The following SPOP variants were observed in gnomAD, a reference collection of about 807,000 sequenced individuals.
The protein encoded by SPOP is speckle-type POZ protein.
A neutral mutation model predicts 45.6 loss-of-function variants in SPOP; 11 were observed. The ratio of observed to expected loss-of-function variants is 0.24; its 90% CI spans 0.15 to 0.40. The LOEUF (loss-of-function observed/expected upper bound fraction) is 0.40. Among genes scored for constraint, SPOP ranks in the 10% least tolerant of loss-of-function variants. The pLI is 1.00. For missense variants in SPOP, 152 were observed against 465.6 expected (o/e 0.33, Z 6.20); for synonymous variants, 166 against 166.3 (o/e 1.00, Z 0.01).
chr17:49,644,710 TGCA>T (rs1263662616), intron 1 of SPOP, among the ~76,000 whole-genome samples: 1 of 152,164 alleles, frequency 6.6e-6, no homozygotes, highest in African/African-American at 2.4e-5. Context: ...ATAAGACTGC[TGCA>T]GAACTTATAT....
At chr17:49,661,311 A>G (rs2072984846) in intron 1 of SPOP, among the ~76,000 whole-genome samples, 1 of 152,134 alleles carries the variant, frequency 6.6e-6, no homozygotes, top group South Asian at 2.1e-4. Flanking sequence ...CAGTCTTATC[A>G]TCCATTATCC....
rs112476601 is a variant in SPOP at position 49,647,223 on chromosome 17, G to A, written c.-66-24347C>T. Among the ~76,000 whole-genome samples the A allele has an allele frequency of 9.2e-3, 1,350 of 146,954 alleles. 9 individuals carry two copies. Among genetic ancestry groups the A allele is most frequent in the South Asian group, 0.035 (163 of 4,666 alleles). On this transcript the variant is annotated intron_variant, in intron 1 of 9. Coordinates refer to ENST00000504102, the MANE Select transcript of SPOP (RefSeq NM_001007228.2). ...AGCGGGAGGCTGAGGCTGGAGAATCGCTTCAGCCCAGGAGGCAGAGAGGTT... is the reference window on the plus strand; with the variant it reads ...AGCGGGAGGCTGAGGCTGGAGAATCACTTCAGCCCAGGAGGCAGAGAGGTT...
intron 9 of SPOP, chr17:49,601,073 G>T (rs1415789991): frequency 1.3e-5 from 2 of 153,576 alleles, no homozygotes; most frequent in African/African-American, 4.8e-5. Context: ...TGCCTCACTT[G>T]ATCACTCCTT....
intron 1 of SPOP, among the ~76,000 whole-genome samples, chr17:49,637,969 G>A (rs1024116791): frequency 9.2e-5 from 14 of 152,168 alleles, no homozygotes; most frequent in Admixed American, 8.5e-4. Flanking sequence ...TCAGCCTCCT[G>A]AGTAGCTGGC....
In SPOP at chr17:49,677,971, T is replaced by G; in HGVS notation, c.-105A>C. 2.9e-6 allele frequency: 1 copy of G among 343,008 alleles called. No individual in the cohort carries two copies. Among genetic ancestry groups the G allele is most frequent in the Non-Finnish European group, 5.1e-6 (1 of 194,296 alleles). 21.2% of individuals were successfully genotyped at this position (343,008 alleles called of 1,614,324 possible). A position where few individuals can be genotyped will look rare whatever the true frequency, so the allele number is the denominator to read the frequency against. The stretch of plus-strand genomic sequence containing the variant: ...CGACAGCTGCTGGTCCCCGTCCCCC[T>G]GCGCTTGCCTCATACTGTCCGCAAC... On this transcript the variant is annotated 5_prime_UTR_variant, in exon 1 of 10. Coordinates refer to ENST00000504102, the MANE Select transcript of SPOP (RefSeq NM_001007228.2).
chr17:49,622,364 T>C (rs1354821469), intron 2 of SPOP: 2 of 555,814 alleles, frequency 3.6e-6, no homozygotes, highest in East Asian at 7.6e-5. Flanking sequence ...TGGGAAAGCA[T>C]ATGATAAAAC....
chr17:49,647,442 C>T (rs1289264597), intron 1 of SPOP, among the ~76,000 whole-genome samples: 2 of 149,782 alleles, frequency 1.3e-5, no homozygotes, highest in African/African-American at 2.5e-5. Context: ...ATCCTGGGAA[C>T]GAATCCTATG....
At chr17:49,659,056 G>A (rs904884159) in intron 1 of SPOP, among the ~76,000 whole-genome samples, 1 of 152,192 alleles carries the variant, frequency 6.6e-6, no homozygotes, top group Non-Finnish European at 1.5e-5. Context: ...ATAGAAAGAA[G>A]GGCAGTATAG....
At chr17:49,607,465 G>A in intron 7 of SPOP, 93 bp from the exon 8 acceptor site, 1 of 1,463,372 alleles carries the variant, frequency 6.8e-7, no homozygotes, top group Non-Finnish European at 9.1e-7. Context: ...AGTGAGGAGA[G>A]AACTTTGTAT....
At chr17:49,655,372 G>A (rs554885581) in intron 1 of SPOP, among the ~76,000 whole-genome samples, 5 of 152,168 alleles carry the variant, frequency 3.3e-5, no homozygotes, top group South Asian at 4.1e-4. Context: ...TTAGCCTGGC[G>A]TGGTGGCGGG....
chr17:49,667,849 G>A (rs1479396354), intron 1 of SPOP, among the ~76,000 whole-genome samples: 1 of 152,158 alleles, frequency 6.6e-6, no homozygotes, highest in Non-Finnish European at 1.5e-5. Context: ...AACAACACAA[G>A]TGTCTATCAA....
At chr17:49,622,553 A>T (rs2072241177) in intron 2 of SPOP, 180 bp downstream of exon 2, 1 of 606,872 alleles carries the variant, frequency 1.6e-6, no homozygotes, top group Admixed American at 3.0e-5. Context: ...TAGCCTAGGG[A>T]ATTTAGATTC....
chr17:49,664,683 A>C (rs368002288), intron 1 of SPOP, among the ~76,000 whole-genome samples: 18 of 152,136 alleles, frequency 1.2e-4, no homozygotes, highest in South Asian at 8.3e-4. Context: ...AAAATCTCCC[A>C]CTTCCTCACC....
At chr17:49,613,255 T>C (rs375392011) in intron 5 of SPOP, among the ~76,000 whole-genome samples, 4 of 146,790 alleles carry the variant, frequency 2.7e-5, no homozygotes, top group South Asian at 2.1e-4. Context: ...TTCTCAGTTA[T>C]AGCTCTAAAA....
intron 9 of SPOP, chr17:49,601,544 T>C (rs1489868388): frequency 7.4e-5 from 16 of 217,526 alleles, no homozygotes; most frequent in Non-Finnish European, 1.9e-5. Context: ...TCTATCCTCC[T>C]AGAAATCTAC....
intron 1 of SPOP, among the ~76,000 whole-genome samples, chr17:49,670,054 G>A (rs769765120): frequency 8.5e-5 from 13 of 152,104 alleles, no homozygotes; most frequent in Non-Finnish European, 1.8e-4. Flanking sequence ...GGTCTCCATG[G>A]TCAAGAAGGT....
intron 1 of SPOP, among the ~76,000 whole-genome samples, chr17:49,635,780 C>A (rs552263456): frequency 6.6e-6 from 1 of 151,266 alleles, no homozygotes; most frequent in Admixed American, 6.6e-5. Flanking sequence ...GATTCAGGCA[C>A]GTGCCACCAT....
intron 8 of SPOP, among the ~76,000 whole-genome samples, chr17:49,603,203 T>G (rs1260183563): frequency 6.6e-6 from 1 of 152,212 alleles, no homozygotes; most frequent in Non-Finnish European, 1.5e-5. Flanking sequence ...TTGGTTTTGG[T>G]GCAGCTTTAA....
intron 6 of SPOP, among the ~76,000 whole-genome samples, chr17:49,610,622 G>A (rs542216825): frequency 2.0e-4 from 31 of 152,292 alleles, no homozygotes; most frequent in Non-Finnish European, 3.1e-4. Flanking sequence ...TTAGAATGAC[G>A]GAGCGGAGGG....
Sources: allele counts gnomAD v4.1 joint callset (sites outside exome capture counted in the v4.1 genomes callset), GRCh38; gene constraint gnomAD v4.1.1; transcripts MANE v1.5; gene names NCBI Gene and HGNC (gene_info 2026-07-23, HGNC 2026-07-21).